The following MAML2 variants were observed in gnomAD, a reference collection of about 807,000 sequenced individuals.
The protein encoded by MAML2 is mastermind like transcriptional coactivator 2, also known as mastermind-like protein 2.
In MAML2, 22 loss-of-function variants were observed where a neutral mutation model predicts 96.1. That is an observed-to-expected ratio of 0.23 (90% CI 0.16 to 0.33). The LOEUF (loss-of-function observed/expected upper bound fraction) is 0.33, where lower values mean the gene tolerates loss of function less well. MAML2 is among the 10% of genes least tolerant of loss of function. The pLI is 1.00. For missense variants in MAML2, 1,367 were observed against 1,392.4 expected (o/e 0.98, Z 0.29); for synonymous variants, 561 against 521.3 (o/e 1.08, Z -1.04).
chr11:96,309,283 C>T (rs1243370310), intron 1 of MAML2, among the ~76,000 whole-genome samples: 2 of 152,200 alleles, frequency 1.3e-5, no homozygotes, highest in Admixed American at 1.3e-4. Flanking sequence ...TTCAAAACTG[C>T]CCTTTAGTTT....
At chr11:96,286,142 C>T (rs915421232) in intron 1 of MAML2, among the ~76,000 whole-genome samples, 4 of 152,150 alleles carry the variant, frequency 2.6e-5, no homozygotes, top group Admixed American at 2.6e-4. Flanking sequence ...TACTATACAG[C>T]CATAAAAAGG....
At chr11:96,113,683 G>A (rs1211351897) in intron 1 of MAML2, among the ~76,000 whole-genome samples, 1 of 151,706 alleles carries the variant, frequency 6.6e-6, no homozygotes, top group Non-Finnish European at 1.5e-5. Flanking sequence ...GGTTACGAAT[G>A]ATGAAAAAGA....
At chr11:96,226,940 A>G (rs774618357) in intron 1 of MAML2, among the ~76,000 whole-genome samples, 91 of 152,342 alleles carry the variant, frequency 6.0e-4, no homozygotes, top group Non-Finnish European at 1.0e-3. Flanking sequence ...TCTTCACATC[A>G]ATTCATTAGT....
At chr11:96,044,547 C>T (rs958586326) in intron 2 of MAML2, among the ~76,000 whole-genome samples, 4 of 152,224 alleles carry the variant, frequency 2.6e-5, no homozygotes, top group African/African-American at 9.6e-5. Flanking sequence ...TAGGAGAAAC[C>T]TTAATCTTGG....
At chr11:96,223,764 G>T (rs1226465738) in intron 1 of MAML2, among the ~76,000 whole-genome samples, 1 of 152,092 alleles carries the variant, frequency 6.6e-6, no homozygotes, top group East Asian at 1.9e-4. Context: ...GAGGCTTATA[G>T]TAGTACTGTT....
At chr11:96,328,835 A>C (rs1163005786) in intron 1 of MAML2, among the ~76,000 whole-genome samples, 1 of 152,154 alleles carries the variant, frequency 6.6e-6, no homozygotes, top group African/African-American at 2.4e-5. Flanking sequence ...GATAAGAAAA[A>C]AAGAGGCAGT....
chr11:96,049,658 A>G (rs761541405), intron 2 of MAML2, among the ~76,000 whole-genome samples: 10 of 152,220 alleles, frequency 6.6e-5, no homozygotes, highest in Admixed American at 2.0e-4. Context: ...GGCCAATAAT[A>G]CTTGGTGACT....
At chr11:96,121,847 C>T (rs1267126410) in intron 1 of MAML2, among the ~76,000 whole-genome samples, 2 of 117,620 alleles carry the variant, frequency 1.7e-5, no homozygotes, top group Non-Finnish European at 3.3e-5. Context: ...GGTGCAGTGG[C>T]GCGATCTCGG....
intron 2 of MAML2, among the ~76,000 whole-genome samples, chr11:96,018,190 G>T (rs1389152142): frequency 6.6e-6 from 1 of 152,162 alleles, no homozygotes; most frequent in Non-Finnish European, 1.5e-5. Flanking sequence ...TCTGAGATGG[G>T]AAAGACTGTG....
At chr11:96,265,010 T>C (rs1862806957) in intron 1 of MAML2, among the ~76,000 whole-genome samples, 2 of 152,360 alleles carry the variant, frequency 1.3e-5, no homozygotes, top group Non-Finnish European at 1.5e-5. Context: ...ATACTGAGGC[T>C]GTTAACATTA....
At chr11:95,987,107 T>C (rs1290609066) in intron 3 of MAML2, among the ~76,000 whole-genome samples, 1 of 152,188 alleles carries the variant, frequency 6.6e-6, no homozygotes, top group African/African-American at 2.4e-5. Flanking sequence ...GGCTTTGTTC[T>C]AGATTGGAAG....
intron 1 of MAML2, among the ~76,000 whole-genome samples, chr11:96,180,794 C>A (rs1000161424): frequency 2.0e-5 from 3 of 152,128 alleles, no homozygotes; most frequent in Non-Finnish European, 4.4e-5. Context: ...AGCAATAAAG[C>A]TGTTTATTTC....
chr11:96,211,446 T>TAA (rs5793789), intron 1 of MAML2, among the ~76,000 whole-genome samples: 2,281 of 141,616 alleles, frequency 0.016, 60 homozygotes, highest in African/African-American at 0.054. Flanking sequence ...TCTTTGAAAT[T>TAA]AAAAAAAAAA....
intron 1 of MAML2, among the ~76,000 whole-genome samples, chr11:96,252,281 C>G (rs907855666): frequency 6.6e-6 from 1 of 152,052 alleles, no homozygotes; most frequent in Admixed American, 6.6e-5. Context: ...GCTGAGTTCT[C>G]TATATAAATA....
intron 1 of MAML2, among the ~76,000 whole-genome samples, chr11:96,145,952 T>C (rs901186056): frequency 9.2e-5 from 14 of 152,114 alleles, no homozygotes; most frequent in African/African-American, 3.4e-4. Flanking sequence ...GAGGTTGCAG[T>C]GAACCAAGAT....
At chr11:96,142,069 A>G (rs1860740353) in intron 1 of MAML2, among the ~76,000 whole-genome samples, 1 of 152,254 alleles carries the variant, frequency 6.6e-6, no homozygotes, top group Non-Finnish European at 1.5e-5. Flanking sequence ...CCCTAATGTC[A>G]TGGTGCTCAC....
chr11:96,004,911 G>A (rs568428), intron 2 of MAML2, among the ~76,000 whole-genome samples: 35,869 of 151,998 alleles, frequency 0.24, 4,534 homozygotes, highest in East Asian at 0.38. Context: ...CAAGAGGTGA[G>A]CCCTTATGGG....
intron 1 of MAML2, among the ~76,000 whole-genome samples, chr11:96,322,807 C>G (rs1863724526): frequency 6.6e-6 from 1 of 152,186 alleles, no homozygotes; most frequent in Non-Finnish European, 1.5e-5. Context: ...TCTTCAGATT[C>G]CTGAAACTAG....
chr11:96,211,408 G>T (rs979569986), intron 1 of MAML2, among the ~76,000 whole-genome samples: 6 of 149,866 alleles, frequency 4.0e-5, no homozygotes, highest in Non-Finnish European at 7.4e-5. Context: ...TTCCTTTTGA[G>T]TGGAAGACAT....
Sources: allele counts gnomAD v4.1 joint callset (sites outside exome capture counted in the v4.1 genomes callset), GRCh38; gene constraint gnomAD v4.1.1; transcripts MANE v1.5; gene names NCBI Gene and HGNC (gene_info 2026-07-23, HGNC 2026-07-21).